The following NRG3 variants were observed in gnomAD, a reference collection of about 807,000 sequenced individuals.
NRG3 encodes neuregulin 3, also known as pro-neuregulin-3, membrane-bound isoform.
In NRG3, 31 loss-of-function variants were observed where a neutral mutation model predicts 66.9. The observed-to-expected ratio is 0.46, with a 90% CI of 0.35 to 0.63. The LOEUF is 0.63. NRG3 is among the 20% of genes least tolerant of loss of function. NRG3 has a pLI of 0.00. For synonymous variants in NRG3, 393 were observed against 359.4 expected, an observed-to-expected ratio of 1.09 and a Z score of -1.06; for missense variants, 910 against 878.9, an observed-to-expected ratio of 1.04 and a Z score of -0.45.
intron 4 of NRG3, among the ~76,000 whole-genome samples, chr10:82,903,349 C>G (rs781415167): frequency 6.6e-6 from 1 of 152,064 alleles, no homozygotes. Context: ...AAAAAGTGAT[C>G]TCTCTCTCTT....
At chr10:82,543,848 C>T (rs7898619) in intron 2 of NRG3, among the ~76,000 whole-genome samples, 1,553 of 152,298 alleles carry the variant, frequency 0.01, 34 homozygotes, top group African/African-American at 0.036. Context: ...ATGGTAACTT[C>T]ATCTGGCTTA....
intron 1 of NRG3, among the ~76,000 whole-genome samples, chr10:81,924,589 G>T (rs1365064105): frequency 2.0e-5 from 3 of 152,178 alleles, no homozygotes; most frequent in African/African-American, 7.2e-5. Context: ...GTCCTGTTTC[G>T]ACTGGTTTGT....
At chr10:82,822,416 C>T (rs770008024) in intron 3 of NRG3, among the ~76,000 whole-genome samples, 26 of 152,086 alleles carry the variant, frequency 1.7e-4, no homozygotes, top group Non-Finnish European at 2.9e-4. Context: ...AGTGGGTCTA[C>T]GTCCAAGAAC....
intron 3 of NRG3, among the ~76,000 whole-genome samples, chr10:82,858,795 C>G (rs918177847): frequency 1.3e-5 from 2 of 152,182 alleles, no homozygotes; most frequent in Non-Finnish European, 2.9e-5. Context: ...GGTAGTCCCA[C>G]TGGGGGCTCC....
chr10:82,184,889 A>C (rs141010303), intron 1 of NRG3, among the ~76,000 whole-genome samples: 47 of 152,308 alleles, frequency 3.1e-4, no homozygotes, highest in Non-Finnish European at 4.1e-4. Context: ...CATCCCTGTG[A>C]GCCGGTAAAC....
At chr10:82,511,955 CTG>C (rs1208474436) in intron 2 of NRG3, among the ~76,000 whole-genome samples, 1 of 151,890 alleles carries the variant, frequency 6.6e-6, no homozygotes, top group Non-Finnish European at 1.5e-5. Flanking sequence ...ATTTCAGAAA[CTG>C]TATTGTTCTT....
At chr10:82,072,476 G>A (rs1203945681) in intron 1 of NRG3, among the ~76,000 whole-genome samples, 2 of 152,154 alleles carry the variant, frequency 1.3e-5, no homozygotes, top group Non-Finnish European at 2.9e-5. Context: ...TAAACTAAAA[G>A]AGAATTCAAG....
At position 82,241,564 on chromosome 10, in the gene NRG3, C is replaced by T. The variant is rs913196827; in HGVS notation, c.824-117175C>T. The stretch of plus-strand genomic sequence containing the variant: ...TTAATAGCTAGTTTAGCACATAATA[C>T]ATTTTAAATTGTCTGCCTATGACTA... On this transcript the variant is annotated intron_variant, in intron 1 of 8. Transcript: ENST00000372141. Among the ~76,000 whole-genome samples, 52 of 152,078 alleles carry T rather than the reference C, an allele frequency of 3.4e-4. 1 individual carries two copies. The highest frequency in any genetic ancestry group is 4.4e-5 in the Non-Finnish European group (3 of 67,996).
intron 2 of NRG3, among the ~76,000 whole-genome samples, chr10:82,694,093 C>T (rs550663305): frequency 3.9e-5 from 6 of 152,000 alleles, no homozygotes; most frequent in South Asian, 4.2e-4. Flanking sequence ...GGACACGGAG[C>T]GCTGATTGGT....
rs528414658 is a variant in NRG3, at chr10:82,765,839, T to A, written c.1027+27189T>A. ...TGAATAAATATCATCTATATGAACA[T>A]GATTTTTTGAATTATTTTGAAATGT... is the stretch of plus-strand genomic sequence containing the variant. On this transcript the variant is annotated intron_variant, in intron 3 of 8. Coordinates refer to ENST00000372141, the MANE Select transcript of NRG3 (RefSeq NM_001010848.4). Among the ~76,000 whole-genome samples the A allele has an allele frequency of 3.3e-5, 5 of 152,314 alleles. No individual in the cohort carries two copies. In the South Asian group the frequency reaches 1.0e-3, roughly 32 times the overall value.
chr10:82,225,558 C>T (rs2076128932), intron 1 of NRG3: 2 of 152,024 alleles, frequency 1.3e-5, no homozygotes, highest in African/African-American at 4.8e-5. Flanking sequence ...ACATGAGTAA[C>T]ACAAAAGCAC....
rs907286175 is a variant in NRG3, at chr10:82,401,468, A to G, written c.953+42600A>G. ...ATAGAGAGAAGTATGCACAGATTCT[A>G]TACAGTATGAGGCAGGATCACAGGA... On this transcript the variant is annotated intron_variant, in intron 2 of 8. Coordinates refer to ENST00000372141, the MANE Select transcript of NRG3 (RefSeq NM_001010848.4). Among the ~76,000 whole-genome samples, 22 of 152,192 alleles carry G rather than the reference A, an allele frequency of 1.4e-4. No homozygotes were observed. In the South Asian group the frequency reaches 4.1e-3, roughly 29 times the overall value.
intron 2 of NRG3, among the ~76,000 whole-genome samples, chr10:82,424,944 C>T (rs4382842): frequency 0.14 from 20,573 of 151,860 alleles, 1,688 homozygotes; most frequent in East Asian, 0.34. Context: ...ATCAATTGAC[C>T]ATAAATGCAA....
At chr10:82,242,216 G>A (rs745814586) in intron 1 of NRG3, among the ~76,000 whole-genome samples, 7 of 152,106 alleles carry the variant, frequency 4.6e-5, no homozygotes, top group South Asian at 2.1e-4. Flanking sequence ...AACTTCAATC[G>A]TGGATGCCCC....
intron 1 of NRG3, among the ~76,000 whole-genome samples, chr10:82,194,688 G>A (rs1028382783): frequency 6.6e-6 from 1 of 152,106 alleles, no homozygotes; most frequent in African/African-American, 2.4e-5. Flanking sequence ...GGCACCGGTG[G>A]GAGGACTCTG....
intron 2 of NRG3, among the ~76,000 whole-genome samples, chr10:82,572,560 C>T (rs964641663): frequency 1.9e-4 from 29 of 151,476 alleles, no homozygotes; most frequent in African/African-American, 5.8e-4. Flanking sequence ...ATTTAAAGCA[C>T]TCATTTAAAA....
intron 1 of NRG3, among the ~76,000 whole-genome samples, chr10:81,948,630 G>A (rs1197310314): frequency 6.6e-6 from 1 of 152,108 alleles, no homozygotes; most frequent in Non-Finnish European, 1.5e-5. Context: ...GATGCTGGAG[G>A]TACAAAGGAA....
chr10:82,901,396 A>G (rs748835262), intron 4 of NRG3, among the ~76,000 whole-genome samples: 40 of 152,002 alleles, frequency 2.6e-4, no homozygotes, highest in Non-Finnish European at 5.3e-4. Context: ...AACCTTAGAG[A>G]GGTGGAAAAA....
intron 2 of NRG3, among the ~76,000 whole-genome samples, chr10:82,378,723 A>C (rs937414324): frequency 8.6e-5 from 13 of 151,952 alleles, no homozygotes; most frequent in African/African-American, 2.7e-4. Context: ...GGTGTGTGCC[A>C]CCACACCTGG....
Sources: gnomAD v4.1 joint callset for allele counts (sites outside exome capture counted in the v4.1 genomes callset) on GRCh38, gnomAD v4.1.1 for gene constraint, MANE v1.5 for transcripts, NCBI Gene and HGNC (gene_info 2026-07-23, HGNC 2026-07-21) for gene names.